NT5DC1: variants seen among roughly 807,000 people sequenced by gnomAD.
The protein encoded by NT5DC1 is 5'-nucleotidase domain-containing protein 1.
Under a neutral mutation model 59.4 loss-of-function variants are expected in NT5DC1, and 42 were observed. The ratio of observed to expected loss-of-function variants is 0.71; its 90% CI spans 0.55 to 0.92. NT5DC1 has a LOEUF of 0.92. NT5DC1 is among the 40% of genes least tolerant of loss of function. NT5DC1 has a pLI of 0.00. For synonymous variants in NT5DC1, 172 were observed against 188.1 expected (o/e 0.91, Z 0.70); for missense variants, 501 against 537.1 (o/e 0.93, Z 0.66).
At chr6:116,180,160 TAC>T (rs1260738813) in intron 6 of NT5DC1, among the ~76,000 whole-genome samples, 1 of 152,100 alleles carries the variant, frequency 6.6e-6, no homozygotes, top group African/African-American at 2.4e-5. Context: ...TTATTTTAAT[TAC>T]AGAGATAGTA....
intron 6 of NT5DC1, among the ~76,000 whole-genome samples, chr6:116,146,340 G>T (rs1176359372): frequency 2.0e-5 from 3 of 152,166 alleles, no homozygotes; most frequent in South Asian, 2.1e-4. Context: ...TTTTTAGACA[G>T]CTTGCTAAAT....
intron 6 of NT5DC1, among the ~76,000 whole-genome samples, chr6:116,198,536 C>T (rs919584924): frequency 2.0e-5 from 3 of 151,690 alleles, no homozygotes; most frequent in Non-Finnish European, 4.4e-5. Flanking sequence ...TCAAGACTAG[C>T]CTGGACAGCA....
At chr6:116,116,333 G>A (rs1268987265) in intron 5 of NT5DC1, among the ~76,000 whole-genome samples, 1 of 152,008 alleles carries the variant, frequency 6.6e-6, no homozygotes, top group Non-Finnish European at 1.5e-5. Context: ...TTTCCTTTAT[G>A]CATGTCTTTT....
intron 6 of NT5DC1, among the ~76,000 whole-genome samples, chr6:116,200,649 TCCCTTA>T (rs1215969972): frequency 6.6e-6 from 1 of 152,040 alleles, no homozygotes; most frequent in African/African-American, 2.4e-5. Flanking sequence ...GGTATATAAT[TCCCTTA>T]GTTTTAAAAG....
At chr6:116,165,389 A>T (rs1248214670) in intron 6 of NT5DC1, among the ~76,000 whole-genome samples, 2 of 152,214 alleles carry the variant, frequency 1.3e-5, no homozygotes, top group African/African-American at 4.8e-5. Context: ...CTCTAACAAG[A>T]TCAGGGAAAT....
chr6:116,106,430 A>G, intron 2 of NT5DC1, 95 bp downstream of exon 2: 2 of 662,226 alleles, frequency 3.0e-6, no homozygotes, highest in South Asian at 3.5e-5. Flanking sequence ...TTCTAAGAAG[A>G]TGGAATGTGA....
intron 2 of NT5DC1, among the ~76,000 whole-genome samples, chr6:116,106,727 T>A (rs933098876): frequency 1.3e-5 from 2 of 152,206 alleles, no homozygotes; most frequent in Non-Finnish European, 2.9e-5. Context: ...ACATTTTGAG[T>A]AAGTCTGAAT....
In NT5DC1 at chr6:116,106,231, C is replaced by G. The variant is rs778991009; in HGVS notation, c.94-13C>G. On this transcript the variant is annotated splice_polypyrimidine_tract_variant and intron_variant, in intron 1 of 11. Coordinates refer to ENST00000319550, the MANE Select transcript of NT5DC1 (RefSeq NM_152729.3). ...TGTTATATTTAATCTGTTTTTCTTC[C>G]CCTTATTTGCAGCTCATTTATAATA... The G allele has an allele frequency of 3.8e-6, 5 of 1,310,568 alleles. No homozygotes were observed. In the East Asian group the frequency reaches 9.2e-5, roughly 24 times the overall value. 81.2% of individuals were successfully genotyped at this position (1,310,568 alleles called of 1,614,324 possible). A position where few individuals can be genotyped will look rare whatever the true frequency, so the allele number is the denominator to read the frequency against.
intron 6 of NT5DC1, among the ~76,000 whole-genome samples, chr6:116,169,956 G>A (rs560967595): frequency 2.0e-5 from 3 of 152,238 alleles, no homozygotes; most frequent in South Asian, 2.1e-4. Flanking sequence ...AGGGGAGAGG[G>A]GTTTCCTAGA....
intron 6 of NT5DC1, among the ~76,000 whole-genome samples, chr6:116,172,182 C>T (rs1165388157): frequency 6.6e-6 from 1 of 151,946 alleles, no homozygotes; most frequent in Non-Finnish European, 1.5e-5. Context: ...ATGATTTCCT[C>T]ATAGAAAGAT....
intron 8 of NT5DC1, among the ~76,000 whole-genome samples, chr6:116,234,421 A>G (rs191574987): frequency 9.2e-4 from 138 of 150,084 alleles, no homozygotes; most frequent in Non-Finnish European, 1.8e-3. Context: ...GCTCACTGAA[A>G]CCTCTTTCTC....
chr6:116,206,956 G>A (rs184461556), intron 6 of NT5DC1, among the ~76,000 whole-genome samples: 14 of 151,942 alleles, frequency 9.2e-5, no homozygotes, highest in Admixed American at 9.2e-4. Flanking sequence ...TGTTTATTGA[G>A]TAATTCTAGA....
intron 6 of NT5DC1, among the ~76,000 whole-genome samples, chr6:116,142,691 G>A (rs1779797383): frequency 6.6e-6 from 1 of 152,162 alleles, no homozygotes; most frequent in South Asian, 2.1e-4. Context: ...TAAGCAGGAA[G>A]CAGTGAAATA....
chr6:116,193,299 G>A (rs189765739), intron 6 of NT5DC1, among the ~76,000 whole-genome samples: 35 of 152,178 alleles, frequency 2.3e-4, no homozygotes, highest in Admixed American at 2.2e-3. Flanking sequence ...TAGGAGTGCT[G>A]TGATAACAAA....
At chr6:116,141,487 T>A (rs1249699173) in intron 6 of NT5DC1, among the ~76,000 whole-genome samples, 2 of 151,322 alleles carry the variant, frequency 1.3e-5, no homozygotes, top group East Asian at 3.9e-4. Context: ...TTTTCCCAAC[T>A]TTCCAGTGGG....
At chr6:116,145,693 T>G (rs1779881773) in intron 6 of NT5DC1, among the ~76,000 whole-genome samples, 1 of 152,252 alleles carries the variant, frequency 6.6e-6, no homozygotes, top group Admixed American at 6.5e-5. Context: ...AATTTGTATC[T>G]TCCATCCTAT....
chr6:116,115,776 TG>T lies in NT5DC1; in HGVS notation c.444+10del. The T allele has an allele frequency of 6.8e-7, 1 of 1,471,546 alleles. No homozygotes were observed. Among genetic ancestry groups the T allele is most frequent in the Non-Finnish European group, 9.5e-7 (1 of 1,050,566 alleles). 91.2% of individuals were successfully genotyped at this position (1,471,546 alleles called of 1,614,324 possible). ...TGGTGGACTATTTAACAAAAGTAAG[TG>T]GGGACTCATTTTTTAAAACTATGAT... On this transcript the variant is annotated splice_region_variant and intron_variant, in intron 5 of 11. Transcript: ENST00000319550.
At chr6:116,144,306 T>C (rs879412959) in intron 6 of NT5DC1, among the ~76,000 whole-genome samples, 2 of 152,084 alleles carry the variant, frequency 1.3e-5, no homozygotes, top group Non-Finnish European at 2.9e-5. Flanking sequence ...ATCAAGACCA[T>C]CCTGGCCAAC....
intron 10 of NT5DC1, 110 bp downstream of exon 10, chr6:116,238,458 T>C: frequency 3.0e-6 from 1 of 331,966 alleles, no homozygotes; most frequent in Admixed American, 5.7e-5. Context: ...CTGAATACCA[T>C]CATGTTAAAA....
Sources: gnomAD v4.1 joint callset for allele counts (sites outside exome capture counted in the v4.1 genomes callset) on GRCh38, gnomAD v4.1.1 for gene constraint, MANE v1.5 for transcripts, NCBI Gene and HGNC (gene_info 2026-07-23, HGNC 2026-07-21) for gene names.